The following COLEC12 variants were observed in gnomAD, a reference collection of about 807,000 sequenced individuals.
COLEC12 encodes collectin-12.
COLEC12 carries 33 observed loss-of-function variants against 71.1 expected under a neutral mutation model. The ratio of observed to expected loss-of-function variants is 0.46; its 90% CI spans 0.35 to 0.62. COLEC12 has a LOEUF of 0.62. Ranked by LOEUF, COLEC12 falls within the 20% of genes least tolerant of loss-of-function variation. COLEC12 has a pLI of 0.00. For missense variants in COLEC12, 765 were observed against 916.1 expected, an observed-to-expected ratio of 0.84 and a Z score of 2.13; for synonymous variants, 350 against 353.0, an observed-to-expected ratio of 0.99 and a Z score of 0.10.
At chr18:345,262 T>G (rs1029340360) in intron 5 of COLEC12, among the ~76,000 whole-genome samples, 1 of 152,276 alleles carries the variant, frequency 6.6e-6, no homozygotes, top group Non-Finnish European at 1.5e-5. Flanking sequence ...TGGAAAATAC[T>G]GTTAATATAT....
At chr18:396,735 G>A (rs536631588) in intron 2 of COLEC12, among the ~76,000 whole-genome samples, 2 of 152,222 alleles carry the variant, frequency 1.3e-5, no homozygotes, top group East Asian at 3.9e-4. Context: ...ACTGAATGCA[G>A]CCGCCTTGGC....
At chr18:433,761 C>T (rs1045677745) in intron 2 of COLEC12, among the ~76,000 whole-genome samples, 3 of 152,176 alleles carry the variant, frequency 2.0e-5, no homozygotes, top group East Asian at 1.9e-4. Flanking sequence ...CTCAGGAGTT[C>T]GAGACCAGCC....
rs149008972 is a variant in COLEC12, at chr18:339,925, T to C, written c.1328-4695A>G. ...TTATTAATGCCAGGGTTGGTTTTCC[T>C]CTAGGACCCGGGATGCTGGCACTGC... is the stretch of plus-strand genomic sequence containing the variant. On this transcript the variant is annotated intron_variant, in intron 5 of 9. Transcript: ENST00000400256. Among the ~76,000 whole-genome samples the C allele has an allele frequency of 8.0e-3, 1,220 of 152,162 alleles. 15 individuals carry two copies. The highest frequency in any genetic ancestry group is 0.028 in the African/African-American group (1,166 of 41,512).
Position 459,816 on chromosome 18 carries a change from G to A in COLEC12, c.58+20891C>T, listed in dbSNP as rs376173312. On this transcript the variant is annotated intron_variant, in intron 2 of 9. Transcript: ENST00000400256. ...TCTCAAAGGAGATGATTGCTCATACGGTTAACCCTGAAACCAATCTAGGAA... is the reference window on the plus strand; with the variant it reads ...TCTCAAAGGAGATGATTGCTCATACAGTTAACCCTGAAACCAATCTAGGAA... 5.3e-5 allele frequency among the ~76,000 whole-genome samples: 8 copies of A among 152,258 alleles called. No individual in the cohort carries two copies. The South Asian group carries it at 6.2e-4, about 12-fold the overall frequency.
chr18:471,820 A>C (rs1479410889), intron 2 of COLEC12, among the ~76,000 whole-genome samples: 1 of 152,082 alleles, frequency 6.6e-6, no homozygotes, highest in African/African-American at 2.4e-5. Flanking sequence ...TAATTAGTCC[A>C]AGCCAACCAG....
chr18:450,502 T>C (rs1451524612), intron 2 of COLEC12, among the ~76,000 whole-genome samples: 1 of 152,212 alleles, frequency 6.6e-6, no homozygotes, highest in Non-Finnish European at 1.5e-5. Flanking sequence ...CCCCTTCACC[T>C]TCTACCATGA....
At chr18:454,491 G>C (rs764348424) in intron 2 of COLEC12, among the ~76,000 whole-genome samples, 23 of 152,168 alleles carry the variant, frequency 1.5e-4, no homozygotes, top group Admixed American at 3.3e-4. Context: ...AGACCAGCCT[G>C]GCCAACATGG....
At chr18:419,538 C>G (rs1476994280) in intron 2 of COLEC12, among the ~76,000 whole-genome samples, 1 of 152,204 alleles carries the variant, frequency 6.6e-6, no homozygotes, top group East Asian at 1.9e-4. Flanking sequence ...GAGTCATTAT[C>G]TGAGTTTGAA....
rs112466281 is a variant in COLEC12 at position 475,076 on chromosome 18, A to AAAATAAATAAAT, written c.58+5619_58+5630dup. Among the ~76,000 whole-genome samples, 381 of 151,410 alleles carry AAAATAAATAAAT rather than the reference A, an allele frequency of 2.5e-3. 1 individual carries two copies. Among genetic ancestry groups the AAAATAAATAAAT allele is most frequent in the African/African-American group, 8.7e-3 (359 of 41,166 alleles). ...GCGACAAGAGCTAAACTCCGTCTCA[A>AAAATAAATAAAT]AAATAAATAAATAAATAAATTCAGA... On this transcript the variant is annotated intron_variant, in intron 2 of 9. Coordinates refer to ENST00000400256, the MANE Select transcript of COLEC12 (RefSeq NM_130386.3).
intron 1 of COLEC12, among the ~76,000 whole-genome samples, chr18:483,802 C>T (rs780808713): frequency 6.6e-6 from 1 of 152,206 alleles, no homozygotes; most frequent in South Asian, 2.1e-4. Flanking sequence ...TGACCTGCTG[C>T]GTCTGCTTAG....
intron 2 of COLEC12, among the ~76,000 whole-genome samples, chr18:413,533 A>G (rs762674332): frequency 3.5e-4 from 54 of 152,194 alleles, no homozygotes; most frequent in Admixed American, 6.5e-4. Flanking sequence ...ATGTTTACAC[A>G]AAAATATGTA....
At chr18:460,537 C>T (rs1916961878) in intron 2 of COLEC12, among the ~76,000 whole-genome samples, 1 of 152,184 alleles carries the variant, frequency 6.6e-6, no homozygotes, top group South Asian at 2.1e-4. Flanking sequence ...CATGTCCAGA[C>T]ATTTGAGATT....
intron 2 of COLEC12, among the ~76,000 whole-genome samples, chr18:461,663 C>T (rs1916984978): frequency 6.6e-6 from 1 of 151,518 alleles, no homozygotes; most frequent in Non-Finnish European, 1.5e-5. Context: ...ACTAGGATTA[C>T]AGATGTGAGA....
Position 351,692 on chromosome 18 carries a change from C to T in COLEC12, c.182-3529G>A, listed in dbSNP as rs971519177. 1.3e-3 allele frequency among the ~76,000 whole-genome samples: 198 copies of T among 152,240 alleles called. 2 individuals carry two copies. Among genetic ancestry groups the T allele is most frequent in the Non-Finnish European group, 1.5e-3 (104 of 68,024 alleles). ...AAGTGATTCTCCTGCTTCAGCCTCC[C>T]GAGTAGCTGGGATTACAGGAGCCTG... On this transcript the variant is annotated intron_variant, in intron 3 of 9. Coordinates refer to ENST00000400256, the MANE Select transcript of COLEC12 (RefSeq NM_130386.3).
chr18:470,220 AT>A (rs71174234), intron 2 of COLEC12, among the ~76,000 whole-genome samples: 941 of 92,344 alleles, frequency 0.01, no homozygotes, highest in Non-Finnish European at 0.012. Flanking sequence ...AGGCCAGGAA[AT>A]TTTTTTTTTT....
At position 317,323 on chromosome 18, in the gene COLEC12, T is replaced by G. The variant is rs1377185249; in HGVS notation, c.*2722A>C. ...GTAATGTGTGATTATTCATTTGATT[T>G]TATTCAGTGTGCTATTAAGAAGGGC... On this transcript the variant is annotated 3_prime_UTR_variant, in exon 10 of 10. Transcript: ENST00000400256. 6.6e-6 allele frequency: 1 copy of G among 152,174 alleles called. No homozygotes were observed. Among genetic ancestry groups the G allele is most frequent in the Non-Finnish European group, 1.5e-5 (1 of 68,034 alleles). The allele number at this position is 152,174 out of a possible 1,614,324, so 9.4% of individuals were successfully genotyped here. A position where few individuals can be genotyped will look rare whatever the true frequency, so the allele number is the denominator to read the frequency against.
intron 2 of COLEC12, among the ~76,000 whole-genome samples, chr18:388,459 C>T (rs1236333207): frequency 6.6e-6 from 1 of 152,202 alleles, no homozygotes; most frequent in East Asian, 1.9e-4. Context: ...TGCTCACTGG[C>T]TTTAAAGTAG....
chr18:369,085 C>T (rs1914936380), intron 2 of COLEC12, among the ~76,000 whole-genome samples: 1 of 152,174 alleles, frequency 6.6e-6, no homozygotes, highest in Non-Finnish European at 1.5e-5. Flanking sequence ...GCAAAAAGCT[C>T]CAAATCAGGG....
At chr18:383,051 A>G (rs950854890) in intron 2 of COLEC12, among the ~76,000 whole-genome samples, 1 of 152,030 alleles carries the variant, frequency 6.6e-6, no homozygotes, top group African/African-American at 2.4e-5. Flanking sequence ...TTACAACGCA[A>G]TTCCCCCAAC....
Sources: allele counts gnomAD v4.1 joint callset (sites outside exome capture counted in the v4.1 genomes callset), GRCh38; gene constraint gnomAD v4.1.1; transcripts MANE v1.5; gene names NCBI Gene and HGNC (gene_info 2026-07-23, HGNC 2026-07-21).